The following NREP variants were observed in gnomAD, a reference collection of about 807,000 sequenced individuals.
NREP encodes the protein neuronal regeneration-related protein.
In NREP, 5 loss-of-function variants were observed where a neutral mutation model predicts 8.6. The observed-to-expected ratio is 0.58, with a 90% confidence interval of 0.30 to 1.22. The LOEUF is 1.22. Ranked by LOEUF, NREP falls within the 50% of genes most tolerant of loss-of-function variation. The pLI, the probability that NREP is intolerant of heterozygous loss-of-function variation, is 0.07. For missense variants in NREP, 86 were observed against 82.5 expected, an observed-to-expected ratio of 1.04 and a Z score of -0.17; for synonymous variants, 27 against 28.0, an observed-to-expected ratio of 0.96 and a Z score of 0.11.
chr5:111,827,270 G>A (rs1752651458), intron 2 of NREP, among the ~76,000 whole-genome samples: 1 of 152,346 alleles, frequency 6.6e-6, no homozygotes, highest in African/African-American at 2.4e-5. Context: ...TGTAAGGGAT[G>A]CACACGTTTG....
At chr5:111,795,640 G>T (rs1751856227) in intron 2 of NREP, among the ~76,000 whole-genome samples, 1 of 152,070 alleles carries the variant, frequency 6.6e-6, no homozygotes, top group South Asian at 2.1e-4. Context: ...CTGAAATCCA[G>T]TCATTTTGCA....
At chr5:111,742,814 T>G (rs990220827) in intron 2 of NREP, among the ~76,000 whole-genome samples, 1 of 151,938 alleles carries the variant, frequency 6.6e-6, no homozygotes, top group Non-Finnish European at 1.5e-5. Flanking sequence ...TCCTTTCCAA[T>G]AAGAGCACAT....
chr5:111,822,375 T>G (rs958474952), intron 2 of NREP, among the ~76,000 whole-genome samples: 6 of 152,166 alleles, frequency 3.9e-5, no homozygotes, highest in Non-Finnish European at 8.8e-5. Context: ...GAGAAGACCC[T>G]TAGGCAGTTT....
chr5:111,846,419 G>GTTTTTTT (rs1753168991), intron 2 of NREP: 4 of 37,742 alleles, frequency 1.1e-4, no homozygotes, highest in Admixed American at 2.7e-4. Context: ...CTTTTTGTTT[G>GTTTTTTT]CTTTTTTTTT....
At chr5:111,950,480 T>C (rs1202767331) in intron 2 of NREP, among the ~76,000 whole-genome samples, 1 of 152,034 alleles carries the variant, frequency 6.6e-6, no homozygotes, top group African/African-American at 2.4e-5. Flanking sequence ...TCAGGACATA[T>C]GCATGGGCGA....
At chr5:111,881,939 G>A (rs1258181385) in intron 2 of NREP, among the ~76,000 whole-genome samples, 1 of 152,156 alleles carries the variant, frequency 6.6e-6, no homozygotes, top group African/African-American at 2.4e-5. Context: ...TCCTCCAAAG[G>A]ATCACAGTTC....
At chr5:111,783,502 T>C (rs940130940) in intron 2 of NREP, among the ~76,000 whole-genome samples, 4 of 152,230 alleles carry the variant, frequency 2.6e-5, no homozygotes, top group Admixed American at 1.3e-4. Context: ...GGAACAACTT[T>C]GCATTATTTC....
At chr5:111,788,750 C>T (rs2112890837) in intron 2 of NREP, among the ~76,000 whole-genome samples, 1 of 152,332 alleles carries the variant, frequency 6.6e-6, no homozygotes, top group South Asian at 2.1e-4. Flanking sequence ...GGCAATGGGG[C>T]ACCAGATATT....
At chr5:111,901,755 G>GA (rs1280238783) in intron 2 of NREP, among the ~76,000 whole-genome samples, 6 of 151,986 alleles carry the variant, frequency 3.9e-5, no homozygotes, top group Admixed American at 3.9e-4. Flanking sequence ...CCAAGAAAGT[G>GA]AAAACCTCAA....
At chr5:111,871,710 A>G (rs1753794855) in intron 2 of NREP, among the ~76,000 whole-genome samples, 1 of 151,820 alleles carries the variant, frequency 6.6e-6, no homozygotes, top group African/African-American at 2.4e-5. Context: ...GACACAAACC[A>G]TCTATTAGCC....
At chr5:111,945,711 T>C (rs1755959105) in intron 2 of NREP, among the ~76,000 whole-genome samples, 14 of 151,794 alleles carry the variant, frequency 9.2e-5, no homozygotes, top group Admixed American at 9.2e-4. Flanking sequence ...GATAGTTGGA[T>C]CCAGGGTCTT....
chr5:111,867,485 G>A (rs890712938), intron 2 of NREP, among the ~76,000 whole-genome samples: 7 of 152,090 alleles, frequency 4.6e-5, no homozygotes, highest in African/African-American at 1.7e-4. Context: ...CCACCCTTAT[G>A]GTCTTATTTA....
At chr5:111,776,984 AAAG>A (rs1221548927) in intron 2 of NREP, among the ~76,000 whole-genome samples, 3 of 80,244 alleles carry the variant, frequency 3.7e-5, no homozygotes, top group African/African-American at 1.3e-4. Flanking sequence ...AAAATAAGAA[AAAG>A]GATGAGGAGG....
In NREP at chr5:111,922,899, C is replaced by T. The variant is rs143340666; in HGVS notation, c.135+52375G>A. ...ATTAGAGGGGCTTCAAGGGTGTTGG[C>T]ACTCTGAGGCTTTCGTGCTGCTGAC... On this transcript the variant is annotated intron_variant, in intron 2 of 3. Transcript: ENST00000395634. Among the ~76,000 whole-genome samples, 8 of 152,270 alleles carry T rather than the reference C, an allele frequency of 5.3e-5. No homozygotes were observed. The East Asian group carries it at 1.4e-3, about 26-fold the overall frequency.
chr5:111,930,657 C>T (rs1194434339), intron 2 of NREP, among the ~76,000 whole-genome samples: 2 of 152,098 alleles, frequency 1.3e-5, no homozygotes, highest in Non-Finnish European at 1.5e-5. Context: ...AATTGCAAGC[C>T]CAGTAGCTAT....
chr5:111,908,843 A>C (rs1326927897), intron 2 of NREP, among the ~76,000 whole-genome samples: 1 of 152,030 alleles, frequency 6.6e-6, no homozygotes, highest in Non-Finnish European at 1.5e-5. Context: ...TCTTTGAGAA[A>C]TCTCCATACT....
chr5:111,918,714 G>C (rs761648924), intron 2 of NREP, among the ~76,000 whole-genome samples: 3 of 152,108 alleles, frequency 2.0e-5, no homozygotes, highest in Non-Finnish European at 4.4e-5. Context: ...ATTAACTCAA[G>C]ATGGATTAAA....
At chr5:111,894,087 C>T (rs577472488) in intron 2 of NREP, among the ~76,000 whole-genome samples, 56 of 151,984 alleles carry the variant, frequency 3.7e-4, no homozygotes, top group African/African-American at 1.3e-3. Flanking sequence ...GGCATGGTGG[C>T]AGGCACCTGT....
At chr5:111,854,062 G>C (rs960722210) in intron 2 of NREP, among the ~76,000 whole-genome samples, 2 of 152,150 alleles carry the variant, frequency 1.3e-5, no homozygotes, top group Non-Finnish European at 2.9e-5. Flanking sequence ...GGCTGCACAA[G>C]CTGAAAGCAA....
Sources: allele counts gnomAD v4.1 joint callset (sites outside exome capture counted in the v4.1 genomes callset), GRCh38; gene constraint gnomAD v4.1.1; transcripts MANE v1.5; gene names NCBI Gene and HGNC (gene_info 2026-07-23, HGNC 2026-07-21).